Variants in PTPN13 observed in about 807,000 individuals in gnomAD.
The protein encoded by PTPN13 is protein tyrosine phosphatase non-receptor type 13, also known as tyrosine-protein phosphatase non-receptor type 13.
In PTPN13, 191 loss-of-function variants were observed where a neutral mutation model predicts 284.0. The observed-to-expected ratio is 0.67, with a 90% CI of 0.60 to 0.76. The LOEUF (loss-of-function observed/expected upper bound fraction) is 0.76. Ranked by LOEUF, PTPN13 falls within the 30% of genes least tolerant of loss-of-function variation. PTPN13 has a pLI of 0.00. For missense variants in PTPN13, 2,797 were observed against 2,939.9 expected, an observed-to-expected ratio of 0.95 and a Z score of 1.12; for synonymous variants, 986 against 1,022.3, an observed-to-expected ratio of 0.96 and a Z score of 0.68.
chr4:86,727,249 A>C (rs933107646), intron 10 of PTPN13, among the ~76,000 whole-genome samples: 1 of 149,712 alleles, frequency 6.7e-6, no homozygotes, highest in Non-Finnish European at 1.5e-5. Flanking sequence ...ATTGATGTTC[A>C]TCAGGGATAT....
rs777287362 is a variant in PTPN13, at chr4:86,769,958, C to G, written c.4679C>G (p.Ala1560Gly). 1.2e-5 allele frequency: 20 copies of G among 1,613,714 alleles called. No individual in the cohort carries two copies. In the South Asian group the frequency reaches 2.2e-4, roughly 18 times the overall value. The change falls in exon 29 of 48, where the codon GCC becomes GGC. Residue 1560 changes from alanine (A) to glycine (G), a missense_variant. Coordinates refer to ENST00000411767, the MANE Select transcript of PTPN13 (RefSeq NM_080683.3). ...VGDVILKVNG[A>G]SLKGLSQQEV... ...GATGTTATCTTGAAAGTGAATGGAG[C>G]CTCTTTGAAAGGACTATCTCAGCAG...
chr4:86,671,316 A>G lies in PTPN13; in HGVS notation c.116-1049A>G, dbSNP rs182025152. Among the ~76,000 whole-genome samples, 90 of 152,254 alleles carry G rather than the reference A, an allele frequency of 5.9e-4. No individual in the cohort carries two copies. The Middle Eastern group carries it at 0.014, about 23-fold the overall frequency. ...ATAAACTTTTCCATGAACTTCTGTC[A>G]ATGTCTTATCATTTGACAGAGTGAT... is the stretch of plus-strand genomic sequence containing the variant. On this transcript the variant is annotated intron_variant, in intron 2 of 47. Coordinates refer to ENST00000411767, the MANE Select transcript of PTPN13 (RefSeq NM_080683.3).
rs758522284 is a variant in PTPN13, at chr4:86,750,782, A to T, written c.2963A>T (p.Asn988Ile). ...LYPHRKNVIV[N>I]MEPPPQTVAE... ...CCACATCGGAAAAATGTCATTGTTA[A>T]CATGGAACCCCCACCACAAACCGTT... The change falls in exon 18 of 48, where the codon AAC (asparagine) becomes ATC (isoleucine). Residue 988 changes from asparagine (N) to isoleucine (I), a missense_variant. Asn to Ile is a moderately radical substitution (Grantham distance 149). Transcript: ENST00000411767. 2 of 1,613,718 alleles carry T rather than the reference A, an allele frequency of 1.2e-6. No homozygotes were observed. Among genetic ancestry groups the T allele is most frequent in the Non-Finnish European group, 1.7e-6 (2 of 1,179,754 alleles).
In PTPN13 at chr4:86,809,939, G is replaced by A. The variant is rs566794065; in HGVS notation, c.7254G>A (p.Leu2418=). 1 of 1,613,996 alleles carries A rather than the reference G, an allele frequency of 6.2e-7. No individual in the cohort carries two copies. The highest frequency in any genetic ancestry group is 1.6e-4 in the Middle Eastern group (1 of 6,062). ...CTGGCATTGGACGTTCAGGGACCCTGATTTGCATAGATGTGGTTCTGGGAT... is the reference window on the plus strand; with the variant it reads ...CTGGCATTGGACGTTCAGGGACCCTAATTTGCATAGATGTGGTTCTGGGAT... The part of the protein sequence containing the change: ...CSAGIGRSGT[L]ICIDVVLGLI... The change falls in exon 46 of 48, where the codon CTG becomes CTA. Residue 2418 remains leucine, a synonymous_variant. Coordinates refer to ENST00000411767, the MANE Select transcript of PTPN13 (RefSeq NM_080683.3).
chr4:86,651,429 C>T (rs1349676931), intron 2 of PTPN13, among the ~76,000 whole-genome samples: 1 of 151,678 alleles, frequency 6.6e-6, no homozygotes, highest in African/African-American at 2.4e-5. Context: ...GTCCTTCCCT[C>T]CCTTCCTTCC....
At chr4:86,720,242 A>G (rs986402564) in intron 9 of PTPN13, among the ~76,000 whole-genome samples, 2 of 152,220 alleles carry the variant, frequency 1.3e-5, no homozygotes, top group Non-Finnish European at 2.9e-5. Context: ...AAATTAAATC[A>G]TTTTGGGAGC....
intron 1 of PTPN13, among the ~76,000 whole-genome samples, chr4:86,597,977 C>T (rs1763969437): frequency 6.6e-6 from 1 of 152,126 alleles, no homozygotes; most frequent in South Asian, 2.1e-4. Flanking sequence ...TGTTTTCACA[C>T]TGGAAAAGTA....
In PTPN13 at chr4:86,770,785, A is replaced by G. The variant is rs1408882586; in HGVS notation, c.4804-386A>G. ...TACAAAGAAGTTCTTCTAGATTTCT[A>G]TTAATAATGAAAAGGTAGAAACAAC... is the stretch of plus-strand genomic sequence containing the variant. On this transcript the variant is annotated intron_variant, in intron 30 of 47. Coordinates refer to ENST00000411767, the MANE Select transcript of PTPN13 (RefSeq NM_080683.3). Among the ~76,000 whole-genome samples the G allele has an allele frequency of 2.0e-5, 3 of 152,318 alleles. No homozygotes were observed. The East Asian group carries it at 5.8e-4, about 29-fold the overall frequency.
At chr4:86,716,289 G>A (rs1269787176) in intron 7 of PTPN13, among the ~76,000 whole-genome samples, 1 of 152,086 alleles carries the variant, frequency 6.6e-6, no homozygotes, top group Non-Finnish European at 1.5e-5. Context: ...CTTTCCTAAG[G>A]TCACACACTA....
chr4:86,625,179 A>G (rs1721692785), intron 1 of PTPN13, among the ~76,000 whole-genome samples: 1 of 151,962 alleles, frequency 6.6e-6, no homozygotes, highest in Admixed American at 6.6e-5. Context: ...CTCCTCCTAT[A>G]TCTTGGAACT....
chr4:86,774,721 ATT>A (rs987821654), intron 33 of PTPN13, among the ~76,000 whole-genome samples, 190 bp downstream of exon 33: 5 of 135,860 alleles, frequency 3.7e-5, no homozygotes, highest in Admixed American at 2.2e-4. Context: ...ATATATATAT[ATT>A]TTTTACTATA....
At chr4:86,811,611 C>T (rs1180487271) in intron 47 of PTPN13, among the ~76,000 whole-genome samples, 2 of 152,114 alleles carry the variant, frequency 1.3e-5, no homozygotes, top group African/African-American at 4.8e-5. Flanking sequence ...TGATGATTTT[C>T]GTTTCTCTTA....
chr4:86,703,753 C>G (rs1731421827), intron 7 of PTPN13, among the ~76,000 whole-genome samples: 2 of 152,022 alleles, frequency 1.3e-5, no homozygotes, highest in African/African-American at 4.8e-5. Context: ...CCTGTAGTTC[C>G]AGCTACTCAG....
Position 86,732,708 on chromosome 4 carries a change from G to A in PTPN13, c.1800G>A (p.Met600Ile). ...CTATATGTAAAGATGTGTTTGATAT[G>A]GTTGTGGCACATATTGGCTTAGTAG... is the stretch of plus-strand genomic sequence containing the variant. ...TKTICKDVFDMVVAHIGLVEH... is the reference protein window; with the variant it reads ...TKTICKDVFDIVVAHIGLVEH... The change falls in exon 12 of 48, where the codon ATG becomes ATA. Residue 600 changes from methionine (M) to isoleucine (I), a missense_variant. Met to Ile is a conservative substitution (Grantham distance 10). Coordinates refer to ENST00000411767, the MANE Select transcript of PTPN13 (RefSeq NM_080683.3). 1 of 1,613,524 alleles carries A rather than the reference G, an allele frequency of 6.2e-7. No individual in the cohort carries two copies. The highest frequency in any genetic ancestry group is 8.5e-7 in the Non-Finnish European group (1 of 1,179,642).
At chr4:86,636,014 A>G (rs1411762745) in intron 2 of PTPN13, among the ~76,000 whole-genome samples, 1 of 152,086 alleles carries the variant, frequency 6.6e-6, no homozygotes, top group South Asian at 2.1e-4. Flanking sequence ...TGTACTGTAT[A>G]AACAAATGTA....
intron 1 of PTPN13, among the ~76,000 whole-genome samples, chr4:86,615,286 A>G (rs1158456367): frequency 6.6e-6 from 1 of 152,142 alleles, no homozygotes; most frequent in African/African-American, 2.4e-5. Flanking sequence ...AAAACCTGAC[A>G]AGTCATTTTT....
At chr4:86,644,294 G>A (rs1365760070) in intron 2 of PTPN13, among the ~76,000 whole-genome samples, 1 of 152,012 alleles carries the variant, frequency 6.6e-6, no homozygotes, top group Admixed American at 6.6e-5. Flanking sequence ...ACCACGCTCG[G>A]CCAAATTTTT....
chr4:86,642,112 A>G (rs1226713920), intron 2 of PTPN13, among the ~76,000 whole-genome samples: 1 of 152,174 alleles, frequency 6.6e-6, no homozygotes, highest in Admixed American at 6.5e-5. Flanking sequence ...TTTTCTTTCT[A>G]CAAGTCATTG....
intron 42 of PTPN13, among the ~76,000 whole-genome samples, chr4:86,799,687 A>G (rs1027200455): frequency 2.0e-5 from 3 of 152,058 alleles, no homozygotes; most frequent in African/African-American, 4.8e-5. Flanking sequence ...AATATTCATT[A>G]TATTACCAGA....
Sources: allele counts gnomAD v4.1 joint callset (sites outside exome capture counted in the v4.1 genomes callset), GRCh38; gene constraint gnomAD v4.1.1; transcripts MANE v1.5; gene names NCBI Gene and HGNC (gene_info 2026-07-23, HGNC 2026-07-21).